Variants in LINGO2 observed in about 807,000 individuals in gnomAD.
LINGO2 encodes the protein leucine-rich repeat and immunoglobulin-like domain-containing nogo receptor-interacting protein 2.
LINGO2 carries 14 observed loss-of-function variants against 30.6 expected under a neutral mutation model. That is an observed-to-expected ratio of 0.46 (90% confidence interval 0.30 to 0.72). The LOEUF is 0.72. Among genes scored for constraint, LINGO2 ranks in the 30% least tolerant of loss-of-function variants. LINGO2 has a pLI of 0.07. For synonymous variants in LINGO2, 317 were observed against 288.5 expected (o/e 1.10, Z -1.00); for missense variants, 729 against 751.7 (o/e 0.97, Z 0.35).
the LINGO2 span, among the ~76,000 whole-genome samples, chr9:29,084,682 T>C: frequency 6.6e-6 from 1 of 151,976 alleles, no homozygotes; most frequent in African/African-American, 2.4e-5. Context: ...AGAAAGCCCT[T>C]CTCTAGCCTG....
chr9:28,352,042 T>C (rs1238377873), intron 3 of LINGO2, among the ~76,000 whole-genome samples: 2 of 150,684 alleles, frequency 1.3e-5, no homozygotes, highest in African/African-American at 4.9e-5. Context: ...ACAGCCAATA[T>C]CATACTGAAT....
intron 4 of LINGO2, among the ~76,000 whole-genome samples, chr9:28,250,658 T>C (rs752174608): frequency 1.3e-5 from 2 of 152,152 alleles, no homozygotes; most frequent in Middle Eastern, 3.2e-3. Context: ...CCAGAGGCTA[T>C]AACAAAGCAC....
At chr9:28,030,977 T>TGA (rs762846231) in intron 4 of LINGO2, among the ~76,000 whole-genome samples, 17 of 152,090 alleles carry the variant, frequency 1.1e-4, no homozygotes, top group South Asian at 2.1e-4. Context: ...AAGAGATAGA[T>TGA]GAGAGAGAGA....
chr9:29,036,265 G>C, the LINGO2 span, among the ~76,000 whole-genome samples: 2 of 152,042 alleles, frequency 1.3e-5, no homozygotes, highest in Non-Finnish European at 2.9e-5. Flanking sequence ...GTGCATAAAA[G>C]TGATTATAAG....
the LINGO2 span, among the ~76,000 whole-genome samples, chr9:28,714,095 G>A: frequency 6.6e-6 from 1 of 150,786 alleles, no homozygotes; most frequent in African/African-American, 2.4e-5. Context: ...GGAGGTGGAG[G>A]TTGCAGTGAG....
the LINGO2 span, among the ~76,000 whole-genome samples, chr9:28,768,311 G>A: frequency 6.6e-6 from 1 of 152,114 alleles, no homozygotes; most frequent in African/African-American, 2.4e-5. Context: ...ATTCGAACTG[G>A]TATCTTAATT....
intron 4 of LINGO2, among the ~76,000 whole-genome samples, chr9:28,089,821 G>A (rs1265785264): frequency 6.6e-6 from 1 of 151,852 alleles, no homozygotes; most frequent in Non-Finnish European, 1.5e-5. Flanking sequence ...ACTGCTAACA[G>A]ACTAATAAAA....
At chr9:28,217,586 A>C (rs1369837528) in intron 4 of LINGO2, among the ~76,000 whole-genome samples, 3 of 151,966 alleles carry the variant, frequency 2.0e-5, no homozygotes, top group Non-Finnish European at 4.4e-5. Context: ...TTTTTTTCTG[A>C]AATGTTTTCT....
the LINGO2 span, among the ~76,000 whole-genome samples, chr9:29,195,920 A>G: frequency 1.3e-5 from 2 of 152,252 alleles, no homozygotes; most frequent in East Asian, 3.9e-4. Context: ...AGTGAATGTA[A>G]GTTATCCCTG....
intron 4 of LINGO2, among the ~76,000 whole-genome samples, chr9:28,248,939 T>C (rs1215551727): frequency 1.3e-5 from 2 of 152,160 alleles, no homozygotes; most frequent in African/African-American, 4.8e-5. Flanking sequence ...ATCTAAGTCA[T>C]TCATGTCATT....
At chr9:28,199,482 G>A (rs1474705783) in intron 4 of LINGO2, among the ~76,000 whole-genome samples, 2 of 151,958 alleles carry the variant, frequency 1.3e-5, no homozygotes, top group Non-Finnish European at 2.9e-5. Flanking sequence ...GGGACTACAG[G>A]CGCCCGCCAC....
chr9:28,986,260 T>C, the LINGO2 span, among the ~76,000 whole-genome samples: 2,639 of 152,186 alleles, frequency 0.017, 39 homozygotes, highest in Middle Eastern at 0.027. Context: ...TCCAGTACCA[T>C]GTTATTTTAA....
chr9:28,563,693 T>C (rs1007466540), intron 1 of LINGO2, among the ~76,000 whole-genome samples: 4 of 152,156 alleles, frequency 2.6e-5, no homozygotes, highest in Non-Finnish European at 5.9e-5. Context: ...ATCGCTCAGA[T>C]TCCCTGGCAT....
intron 4 of LINGO2, among the ~76,000 whole-genome samples, chr9:28,061,279 A>G (rs1051664026): frequency 2.0e-5 from 3 of 150,696 alleles, no homozygotes; most frequent in Admixed American, 6.7e-5. Flanking sequence ...TGAGGCCTTC[A>G]ACGTCTATTG....
chr9:29,037,264 A>G, the LINGO2 span, among the ~76,000 whole-genome samples: 1 of 151,898 alleles, frequency 6.6e-6, no homozygotes, highest in South Asian at 2.1e-4. Flanking sequence ...TTGGATCAAT[A>G]GCTTTACTAA....
the LINGO2 span, among the ~76,000 whole-genome samples, chr9:28,692,566 A>G: frequency 6.6e-6 from 1 of 152,310 alleles, no homozygotes; most frequent in East Asian, 1.9e-4. Context: ...TTTCCTTTCT[A>G]TCCAAACCTA....
At chr9:28,645,799 G>T (rs551699645) in intron 1 of LINGO2, among the ~76,000 whole-genome samples, 1 of 152,144 alleles carries the variant, frequency 6.6e-6, no homozygotes, top group South Asian at 2.1e-4. Flanking sequence ...AGTGTGGCAT[G>T]GAGCAGACAA....
chr9:28,738,873 T>C, the LINGO2 span, among the ~76,000 whole-genome samples: 5 of 152,098 alleles, frequency 3.3e-5, no homozygotes, highest in East Asian at 9.7e-4. Flanking sequence ...ATCCATGGTT[T>C]AAAAAAATTA....
the LINGO2 span, among the ~76,000 whole-genome samples, chr9:28,744,256 T>G: frequency 6.6e-6 from 1 of 152,008 alleles, no homozygotes; most frequent in Admixed American, 6.5e-5. Context: ...TCCTTAATTG[T>G]TTAAGCATAA....
Sources: allele counts gnomAD v4.1 joint callset (sites outside exome capture counted in the v4.1 genomes callset), GRCh38; gene constraint gnomAD v4.1.1; transcripts MANE v1.5; gene names NCBI Gene and HGNC (gene_info 2026-07-23, HGNC 2026-07-21).